SCG3: variants seen among roughly 807,000 people sequenced by gnomAD.
SCG3 encodes the protein secretogranin III, also known as secretogranin-3.
Under a neutral mutation model 56.2 loss-of-function variants are expected in SCG3, and 38 were observed. The ratio of observed to expected loss-of-function variants is 0.68; its 90% confidence interval spans 0.52 to 0.89. The LOEUF (loss-of-function observed/expected upper bound fraction) is 0.89. Ranked by LOEUF, SCG3 falls within the 40% of genes least tolerant of loss-of-function variation. The pLI is 0.00. For missense variants in SCG3, 524 were observed against 540.7 expected, an observed-to-expected ratio of 0.97 and a Z score of 0.31; for synonymous variants, 176 against 184.2, an observed-to-expected ratio of 0.96 and a Z score of 0.36.
chr15:51,692,934 A>G (rs2055277363), intron 7 of SCG3, among the ~76,000 whole-genome samples: 1 of 152,066 alleles, frequency 6.6e-6, no homozygotes, highest in East Asian at 1.9e-4. Context: ...GCTAATTTCA[A>G]GTACACAGTA....
chr15:51,708,257 A>G (rs566201677), intron 10 of SCG3: 53 of 152,348 alleles, frequency 3.5e-4, no homozygotes, highest in African/African-American at 1.1e-3. Flanking sequence ...CGTAAATAAA[A>G]GATTTGCTTT....
At chr15:51,713,218 C>A (rs1263540631) in intron 10 of SCG3, 115 bp from the exon 11 acceptor site, 2 of 695,626 alleles carry the variant, frequency 2.9e-6, no homozygotes, top group African/African-American at 1.8e-5. Context: ...AGGGAAACAA[C>A]CTTGCAAATG....
chr15:51,717,136 G>A (rs1288393699), intron 11 of SCG3, among the ~76,000 whole-genome samples: 7 of 152,190 alleles, frequency 4.6e-5, no homozygotes, highest in South Asian at 4.2e-4. Flanking sequence ...TTGGGAGGCC[G>A]AGGTGGGTGG....
At chr15:51,716,558 T>C (rs1281597272) in intron 11 of SCG3, among the ~76,000 whole-genome samples, 1 of 152,182 alleles carries the variant, frequency 6.6e-6, no homozygotes, top group Non-Finnish European at 1.5e-5. Flanking sequence ...TACCCCCTTT[T>C]CTGTTTCTTC....
At chr15:51,685,731 T>C (rs1397465131) in intron 4 of SCG3, among the ~76,000 whole-genome samples, 1 of 152,218 alleles carries the variant, frequency 6.6e-6, no homozygotes, top group Non-Finnish European at 1.5e-5. Flanking sequence ...TACTCTCGCC[T>C]TTAGGAAGCT....
At chr15:51,699,825 C>G (rs554841636) in intron 9 of SCG3, among the ~76,000 whole-genome samples, 1 of 152,068 alleles carries the variant, frequency 6.6e-6, no homozygotes, top group African/African-American at 2.4e-5. Context: ...TCTCTCTCCC[C>G]TGGGATGGTC....
intron 4 of SCG3, among the ~76,000 whole-genome samples, chr15:51,685,334 G>A (rs1363629352): frequency 6.6e-6 from 1 of 152,202 alleles, no homozygotes; most frequent in Non-Finnish European, 1.5e-5. Context: ...CTAATATTGA[G>A]TTGGCTGGAT....
intron 7 of SCG3, among the ~76,000 whole-genome samples, chr15:51,694,811 G>A (rs138873404): frequency 9.9e-5 from 15 of 152,150 alleles, no homozygotes; most frequent in African/African-American, 2.9e-4. Flanking sequence ...AGGGCGGATC[G>A]CCTGAGGTCA....
intron 4 of SCG3, among the ~76,000 whole-genome samples, chr15:51,687,776 G>A (rs1369020325): frequency 6.6e-6 from 1 of 152,118 alleles, no homozygotes; most frequent in Admixed American, 6.5e-5. Context: ...CTGATTCTGG[G>A]TGTGAGGTAG....
intron 7 of SCG3, among the ~76,000 whole-genome samples, chr15:51,695,299 G>A (rs991971556): frequency 6.6e-6 from 1 of 152,106 alleles, no homozygotes; most frequent in Non-Finnish European, 1.5e-5. Flanking sequence ...AATGAATAAA[G>A]ATTGTTCTTG....
At chr15:51,694,369 G>C (rs1595832105) in intron 7 of SCG3, among the ~76,000 whole-genome samples, 1 of 152,172 alleles carries the variant, frequency 6.6e-6, no homozygotes, top group Non-Finnish European at 1.5e-5. Flanking sequence ...GGGATGATTT[G>C]GGTCTGCAGA....
At position 51,682,529 on chromosome 15, in the gene SCG3, A is replaced by G; in HGVS notation, c.95A>G (p.His32Arg). The G allele has an allele frequency of 6.9e-7, 1 of 1,446,488 alleles. No homozygotes were observed. The highest frequency in any genetic ancestry group is 9.3e-7 in the Non-Finnish European group (1 of 1,076,756). 89.6% of individuals were successfully genotyped at this position (1,446,488 alleles called of 1,614,324 possible). The change falls in exon 2 of 12, where the codon CAT becomes CGT. Residue 32 changes from histidine (H) to arginine (R), a missense_variant. By Grantham distance (29) the His-to-Arg change is conservative. Transcript: ENST00000220478. ...KPGGSQDKSL[H>R]NRELSAERPL... ...GTGTTTATTCTAGACAAATCTCTAC[A>G]TAATAGAGAATTAAGTGCAGAAAGA...
In SCG3 at chr15:51,681,787, T is replaced by C; in HGVS notation, c.32T>C (p.Leu11Pro). 1 of 1,614,166 alleles carries C rather than the reference T, an allele frequency of 6.2e-7. No individual in the cohort carries two copies. The change falls in exon 1 of 12, where the codon CTG (leucine) becomes CCG (proline). Residue 11 changes from leucine (L) to proline (P), a missense_variant. Transcript: ENST00000220478. MGFLGTGTWI[L>P]VLVLPIQAFP... ...TTCCTCGGGACCGGCACTTGGATTC[T>C]GGTGTTAGTGCTCCCGATTCAAGCT...
intron 10 of SCG3, among the ~76,000 whole-genome samples, chr15:51,705,010 T>G (rs2055366252): frequency 6.6e-6 from 1 of 151,824 alleles, no homozygotes; most frequent in Admixed American, 6.6e-5. Flanking sequence ...TTTTTTTTTA[T>G]CCTAACAGAT....
At chr15:51,688,514 C>A in intron 5 of SCG3, 112 bp downstream of exon 5, 1 of 912,666 alleles carries the variant, frequency 1.1e-6, no homozygotes, top group Admixed American at 2.5e-5. Context: ...CTTCCTTCTA[C>A]TAGGACCCGT....
intron 7 of SCG3, among the ~76,000 whole-genome samples, chr15:51,695,246 C>G (rs1034006051): frequency 2.9e-4 from 43 of 150,138 alleles, no homozygotes; most frequent in Admixed American, 2.8e-3. Flanking sequence ...TAAACTAGAA[C>G]TATATATGTT....
At chr15:51,703,571 G>C (rs2055352043) in intron 10 of SCG3, among the ~76,000 whole-genome samples, 1 of 152,004 alleles carries the variant, frequency 6.6e-6, no homozygotes, top group African/African-American at 2.4e-5. Flanking sequence ...AGCAACAACG[G>C]GATATTCTAT....
In SCG3 at chr15:51,689,119, C is replaced by T. The variant is rs367661437; in HGVS notation, c.541-100C>T. On this transcript the variant is annotated intron_variant, in intron 5 of 11. Coordinates refer to ENST00000220478, the MANE Select transcript of SCG3 (RefSeq NM_013243.4). Reference sequence around the variant, plus strand: ...CTGAAAGATGGTTCAGAAGATTCCTCTTTAAAAAATACATGTTTGACTACA... The same window carrying T: ...CTGAAAGATGGTTCAGAAGATTCCTTTTTAAAAAATACATGTTTGACTACA... 4.1e-5 allele frequency: 53 copies of T among 1,294,256 alleles called. 1 individual carries two copies. The highest frequency in any genetic ancestry group is 2.9e-4 in the South Asian group (21 of 71,234). The allele number at this position is 1,294,256 out of a possible 1,614,324, so 80.2% of individuals were successfully genotyped here.
chr15:51,689,396 T>TGG (rs761803593), intron 6 of SCG3, 28 bp downstream of exon 6: 25 of 1,325,250 alleles, frequency 1.9e-5, no homozygotes, highest in African/African-American at 1.7e-4. Flanking sequence ...TGCATATGCA[T>TGG]GGGGGTGTGT....
Sources: gnomAD v4.1 joint callset for allele counts (sites outside exome capture counted in the v4.1 genomes callset) on GRCh38, gnomAD v4.1.1 for gene constraint, MANE v1.5 for transcripts, NCBI Gene and HGNC (gene_info 2026-07-23, HGNC 2026-07-21) for gene names.